The following SLC38A9 variants were observed in gnomAD, a reference collection of about 807,000 sequenced individuals.
SLC38A9 encodes the protein solute carrier family 38 member 9, also known as neutral amino acid transporter 9.
In SLC38A9, 48 loss-of-function variants were observed where a neutral mutation model predicts 62.3. That is an observed-to-expected ratio of 0.77 (90% CI 0.61 to 0.98). The LOEUF is 0.98. SLC38A9 is among the 50% of genes least tolerant of loss of function. The pLI is 0.00. For synonymous variants in SLC38A9, 204 were observed against 227.7 expected (o/e 0.90, Z 0.94); for missense variants, 541 against 679.8 (o/e 0.80, Z 2.27).
chr5:55,662,685 ACC>A (rs143813086), intron 8 of SLC38A9, among the ~76,000 whole-genome samples: 3 of 55,474 alleles, frequency 5.4e-5, no homozygotes, highest in African/African-American at 1.5e-4. Context: ...ACAAAAAAAA[ACC>A]AAAAAAAAAA....
intron 4 of SLC38A9, among the ~76,000 whole-genome samples, chr5:55,670,156 G>A (rs908143897): frequency 2.7e-5 from 4 of 150,878 alleles, no homozygotes; most frequent in African/African-American, 4.9e-5. Flanking sequence ...TTGTAGAGAC[G>A]GGGTTTCACC....
At chr5:55,628,802 A>G (rs1321235722) in intron 14 of SLC38A9, among the ~76,000 whole-genome samples, 3 of 152,218 alleles carry the variant, frequency 2.0e-5, no homozygotes, top group Admixed American at 6.5e-5. Context: ...AAGGTTTGGG[A>G]AACAATTTTG....
At position 55,672,615 on chromosome 5, in the gene SLC38A9, T is replaced by C. The variant is rs1751499547; in HGVS notation, c.194A>G (p.Asn65Ser). The change falls in exon 4 of 16, where the codon AAC becomes AGC. Residue 65 changes from asparagine (N) to serine (S), a missense_variant. Physicochemically the swap from Asn to Ser is conservative, Grantham distance 46. Transcript: ENST00000396865. ...CCGGCTGTAGTAATGAATTCTCTTGTTCATGGCAGAGGCATGGTCACTAAC... is the reference window on the plus strand; with the variant it reads ...CCGGCTGTAGTAATGAATTCTCTTGCTCATGGCAGAGGCATGGTCACTAAC... ...QRVSDHASAM[N>S]KRIHYYSRLT... 6.2e-7 allele frequency: 1 copy of C among 1,614,176 alleles called. No homozygotes were observed. Among genetic ancestry groups the C allele is most frequent in the African/African-American group, 1.3e-5 (1 of 75,042 alleles).
At chr5:55,669,409 A>G in intron 6 of SLC38A9, 88 bp from the exon 7 acceptor site, 1 of 1,353,542 alleles carries the variant, frequency 7.4e-7, no homozygotes, top group South Asian at 1.3e-5. Context: ...CAATCATGAT[A>G]AAAACTTGAC....
intron 11 of SLC38A9, among the ~76,000 whole-genome samples, chr5:55,646,108 G>A (rs1229100860): frequency 2.0e-5 from 3 of 152,222 alleles, no homozygotes; most frequent in Non-Finnish European, 4.4e-5. Flanking sequence ...GAGTGTGGTG[G>A]CTCACACCTG....
chr5:55,675,709 C>T (rs1478286729), intron 3 of SLC38A9, among the ~76,000 whole-genome samples: 1 of 151,984 alleles, frequency 6.6e-6, no homozygotes, highest in Non-Finnish European at 1.5e-5. Flanking sequence ...AGAAAAAATG[C>T]TTTTAATATT....
At chr5:55,636,124 A>G (rs1744361092) in intron 12 of SLC38A9, among the ~76,000 whole-genome samples, 1 of 152,202 alleles carries the variant, frequency 6.6e-6, no homozygotes, top group African/African-American at 2.4e-5. Context: ...ACCACAGCAG[A>G]GCAGAACATA....
At chr5:55,711,106 A>C (rs1580472060) in intron 2 of SLC38A9, among the ~76,000 whole-genome samples, 1 of 151,716 alleles carries the variant, frequency 6.6e-6, no homozygotes, top group East Asian at 2.0e-4. Flanking sequence ...CAGCCTGGCC[A>C]ACATGGTGAA....
At chr5:55,635,114 A>C (rs1744126805) in intron 13 of SLC38A9, 1 of 167,626 alleles carries the variant, frequency 6.0e-6, no homozygotes, top group African/African-American at 2.4e-5. Context: ...AGTCTGATAA[A>C]CAAAGACTCT....
intron 14 of SLC38A9, chr5:55,633,522 G>T (rs544237185): frequency 4.3e-6 from 2 of 469,046 alleles, no homozygotes; most frequent in East Asian, 6.9e-5. Flanking sequence ...AATATAAATG[G>T]TATCGGAGCT....
intron 12 of SLC38A9, among the ~76,000 whole-genome samples, chr5:55,637,048 A>T (rs1744518467): frequency 6.6e-6 from 1 of 152,182 alleles, no homozygotes; most frequent in South Asian, 2.1e-4. Flanking sequence ...TGTCAAAAGT[A>T]GTAGTTTCCC....
chr5:55,654,971 CGGACTACA>C, intron 9 of SLC38A9, among the ~76,000 whole-genome samples: 1 of 152,076 alleles, frequency 6.6e-6, no homozygotes, highest in East Asian at 1.9e-4. Flanking sequence ...CCGAGTAGCT[CGGACTACA>C]GGTGCACGCC....
At chr5:55,666,733 A>G (rs1400990377) in intron 7 of SLC38A9, among the ~76,000 whole-genome samples, 1 of 151,860 alleles carries the variant, frequency 6.6e-6, no homozygotes, top group African/African-American at 2.4e-5. Context: ...ATCTCTACAA[A>G]AAATACAAAA....
chr5:55,628,110 C>A, intron 14 of SLC38A9, 130 bp from the exon 15 acceptor site: 2 of 611,680 alleles, frequency 3.3e-6, no homozygotes, highest in Admixed American at 2.9e-5. Context: ...GATAAAATCA[C>A]AGCAAAAATA....
At chr5:55,710,075 A>G (rs1757804513) in intron 2 of SLC38A9, among the ~76,000 whole-genome samples, 2 of 108,644 alleles carry the variant, frequency 1.8e-5, no homozygotes, top group Non-Finnish European at 4.2e-5. Context: ...CTCAAAAAAA[A>G]AAAAAAAAAA....
intron 3 of SLC38A9, 41 bp from the exon 4 acceptor site, chr5:55,672,736 A>T: frequency 6.3e-7 from 1 of 1,585,834 alleles, no homozygotes; most frequent in East Asian, 2.2e-5. Flanking sequence ...TGTTCAGCCA[A>T]AAATTCTGGA....
At chr5:55,683,082 A>T (rs926269076) in intron 3 of SLC38A9, among the ~76,000 whole-genome samples, 10 of 152,234 alleles carry the variant, frequency 6.6e-5, no homozygotes, top group African/African-American at 2.4e-4. Context: ...TAACTTGCAG[A>T]AGTAATGATG....
intron 3 of SLC38A9, among the ~76,000 whole-genome samples, chr5:55,673,041 T>A (rs1347413767): frequency 6.6e-6 from 1 of 152,104 alleles, no homozygotes; most frequent in Non-Finnish European, 1.5e-5. Flanking sequence ...CTTTGAATAG[T>A]CTCTCAAAAA....
chr5:55,660,613 A>G (rs1749352327), intron 8 of SLC38A9, among the ~76,000 whole-genome samples: 1 of 152,224 alleles, frequency 6.6e-6, no homozygotes, highest in Non-Finnish European at 1.5e-5. Flanking sequence ...AACTATACAT[A>G]TACTAATAGC....
Sources: allele counts gnomAD v4.1 joint callset (sites outside exome capture counted in the v4.1 genomes callset), GRCh38; gene constraint gnomAD v4.1.1; transcripts MANE v1.5; gene names NCBI Gene and HGNC (gene_info 2026-07-23, HGNC 2026-07-21).